EXOC4: variants seen among roughly 807,000 people sequenced by gnomAD.
The protein encoded by EXOC4 is exocyst complex component 4.
In EXOC4, 71 loss-of-function variants were observed where a neutral mutation model predicts 107.2. The ratio of observed to expected loss-of-function variants is 0.66; its 90% CI spans 0.55 to 0.81. The LOEUF (loss-of-function observed/expected upper bound fraction) is 0.81, where lower values mean the gene tolerates loss of function less well. Among genes scored for constraint, EXOC4 ranks in the 30% least tolerant of loss-of-function variants. The pLI, the probability that EXOC4 is intolerant of heterozygous loss-of-function variation, is 0.00. For synonymous variants in EXOC4, 456 were observed against 441.2 expected (o/e 1.03, Z -0.42); for missense variants, 1,108 against 1,189.6 (o/e 0.93, Z 1.01).
At chr7:134,027,254 C>T (rs1274997571) in intron 17 of EXOC4, among the ~76,000 whole-genome samples, 1 of 152,190 alleles carries the variant, frequency 6.6e-6, no homozygotes, top group African/African-American at 2.4e-5. Flanking sequence ...GTTCTACTCT[C>T]ATGAACTGTG....
At chr7:133,277,130 A>G (rs1271698178) in intron 2 of EXOC4, among the ~76,000 whole-genome samples, 1 of 152,088 alleles carries the variant, frequency 6.6e-6, no homozygotes, top group East Asian at 1.9e-4. Flanking sequence ...CCTGGCTATA[A>G]CTGGGCATTT....
intron 9 of EXOC4, among the ~76,000 whole-genome samples, chr7:133,556,956 G>A (rs1025318146): frequency 2.6e-5 from 4 of 152,184 alleles, no homozygotes; most frequent in Non-Finnish European, 5.9e-5. Flanking sequence ...CAGTGAGTGA[G>A]TGAGTGACTG....
intron 10 of EXOC4, among the ~76,000 whole-genome samples, chr7:133,750,895 A>G (rs773647745): frequency 2.0e-5 from 3 of 152,066 alleles, no homozygotes; most frequent in Non-Finnish European, 4.4e-5. Flanking sequence ...AACTTTTTTG[A>G]TGGGAAAACT....
intron 17 of EXOC4, among the ~76,000 whole-genome samples, chr7:134,032,828 A>G (rs1367490831): frequency 1.3e-5 from 2 of 152,208 alleles, no homozygotes; most frequent in African/African-American, 4.8e-5. Flanking sequence ...CAAATAAGCA[A>G]TATTCTGCCC....
chr7:133,742,236 A>G (rs896592355), intron 10 of EXOC4, among the ~76,000 whole-genome samples: 5 of 152,076 alleles, frequency 3.3e-5, no homozygotes, highest in African/African-American at 9.7e-5. Flanking sequence ...CACTAACACC[A>G]TTTTTAGGGC....
At chr7:133,777,333 A>AT (rs1339230415) in intron 10 of EXOC4, among the ~76,000 whole-genome samples, 1 of 151,876 alleles carries the variant, frequency 6.6e-6, no homozygotes, top group East Asian at 1.9e-4. Context: ...ATATATATAT[A>AT]TATCAATTAA....
intron 11 of EXOC4, among the ~76,000 whole-genome samples, chr7:133,856,446 A>G (rs964954734): frequency 1.3e-5 from 2 of 152,180 alleles, no homozygotes; most frequent in African/African-American, 4.8e-5. Flanking sequence ...ATTTTTTGTA[A>G]TTGCCTGTTT....
intron 7 of EXOC4, among the ~76,000 whole-genome samples, chr7:133,444,046 G>A (rs1490712083): frequency 6.6e-6 from 1 of 152,134 alleles, no homozygotes; most frequent in Admixed American, 6.5e-5. Context: ...TGATATCCTG[G>A]CCCAAAAGGT....
chr7:133,363,461 T>C (rs1201262131), intron 6 of EXOC4, among the ~76,000 whole-genome samples: 1 of 152,188 alleles, frequency 6.6e-6, no homozygotes, highest in Non-Finnish European at 1.5e-5. Context: ...TTCATAGTTC[T>C]TTTGTAAACA....
At chr7:134,081,150 C>T in the EXOC4 span, among the ~76,000 whole-genome samples, 1 of 152,200 alleles carries the variant, frequency 6.6e-6, no homozygotes, top group South Asian at 2.1e-4. Flanking sequence ...TGAGAGCAGC[C>T]TGGCCAACGT....
At chr7:133,682,924 G>A (rs976220266) in intron 10 of EXOC4, among the ~76,000 whole-genome samples, 3 of 152,190 alleles carry the variant, frequency 2.0e-5, no homozygotes, top group Non-Finnish European at 4.4e-5. Flanking sequence ...GGGATGTATG[G>A]ATTTACCCTC....
chr7:134,069,553 A>T (rs1796245238), downstream of EXOC4, among the ~76,000 whole-genome samples: 1 of 151,822 alleles, frequency 6.6e-6, no homozygotes, highest in Non-Finnish European at 1.5e-5. Flanking sequence ...GCTGGAGTGC[A>T]TTGGCACCAT....
At chr7:133,852,851 C>T (rs896558747) in intron 11 of EXOC4, among the ~76,000 whole-genome samples, 1 of 152,144 alleles carries the variant, frequency 6.6e-6, no homozygotes, top group Non-Finnish European at 1.5e-5. Context: ...ACTTAAAATC[C>T]ATCCTTAAAA....
chr7:133,291,336 C>T (rs577096088), intron 3 of EXOC4, among the ~76,000 whole-genome samples: 2 of 150,166 alleles, frequency 1.3e-5, no homozygotes, highest in Admixed American at 6.6e-5. Context: ...AATTAAAAAT[C>T]GTAATGCAAA....
chr7:133,558,191 C>CTTTTCTTTTT (rs1800733021), intron 9 of EXOC4, among the ~76,000 whole-genome samples: 1 of 72,534 alleles, frequency 1.4e-5, no homozygotes, highest in Admixed American at 1.3e-4. Context: ...GGTTCCTTCT[C>CTTTTCTTTTT]TTTTCTTTTC....
chr7:133,780,235 C>CAA (rs916546092), intron 10 of EXOC4, among the ~76,000 whole-genome samples: 1 of 139,244 alleles, frequency 7.2e-6, no homozygotes, highest in Non-Finnish European at 1.6e-5. Flanking sequence ...ATATGCTTCC[C>CAA]AAAAAAAAAA....
chr7:133,470,453 A>G (rs765786408), intron 7 of EXOC4, among the ~76,000 whole-genome samples: 1 of 152,166 alleles, frequency 6.6e-6, no homozygotes, highest in Non-Finnish European at 1.5e-5. Flanking sequence ...AACCTAGTTT[A>G]TATGTTCTTT....
At chr7:133,480,280 T>G in intron 9 of EXOC4, 142 bp downstream of exon 9, 1 of 1,478,048 alleles carries the variant, frequency 6.8e-7, no homozygotes, top group South Asian at 1.4e-5. Flanking sequence ...CTTCTGTAAT[T>G]TCCCAGCATC....
At chr7:133,597,554 C>CA (rs58399632) in intron 9 of EXOC4, among the ~76,000 whole-genome samples, 317 of 96,018 alleles carry the variant, frequency 3.3e-3, no homozygotes, top group Middle Eastern at 0.022. Context: ...AACTCTGTTT[C>CA]AAAAAAAAAA....
Sources: gnomAD v4.1 joint callset for allele counts (sites outside exome capture counted in the v4.1 genomes callset) on GRCh38, gnomAD v4.1.1 for gene constraint, MANE v1.5 for transcripts, NCBI Gene and HGNC (gene_info 2026-07-23, HGNC 2026-07-21) for gene names.